KIAA0825: variants seen among roughly 807,000 people sequenced by gnomAD.
KIAA0825 encodes the protein uncharacterized protein KIAA0825.
A neutral mutation model predicts 147.6 loss-of-function variants in KIAA0825; 119 were observed. That is an observed-to-expected ratio of 0.81 (90% CI 0.69 to 0.94). KIAA0825 has a LOEUF of 0.94. Ranked by LOEUF, KIAA0825 falls within the 40% of genes least tolerant of loss-of-function variation. The pLI is 0.00. For missense variants in KIAA0825, 1,381 were observed against 1,472.7 expected, an observed-to-expected ratio of 0.94 and a Z score of 1.02; for synonymous variants, 470 against 518.1, an observed-to-expected ratio of 0.91 and a Z score of 1.26.
chr5:94,204,086 A>C (rs1417491798), intron 20 of KIAA0825, among the ~76,000 whole-genome samples: 8 of 152,194 alleles, frequency 5.3e-5, no homozygotes, highest in Non-Finnish European at 1.2e-4. Context: ...TTAGAGCAGT[A>C]ACAGATTACA....
chr5:94,244,539 G>T (rs1446288246), intron 20 of KIAA0825, among the ~76,000 whole-genome samples: 1 of 152,078 alleles, frequency 6.6e-6, no homozygotes, highest in Non-Finnish European at 1.5e-5. Flanking sequence ...GTCTCAGTAT[G>T]TTGCCCAGGC....
intron 2 of KIAA0825, among the ~76,000 whole-genome samples, chr5:94,572,931 G>T (rs1780243747): frequency 6.6e-6 from 1 of 152,168 alleles, no homozygotes; most frequent in African/African-American, 2.4e-5. Context: ...CATTTGAAGA[G>T]ATTTATTCTG....
rs531052285 is a variant in KIAA0825, at chr5:94,615,130, T to C, written c.-153+3370A>G. Among the ~76,000 whole-genome samples the C allele has an allele frequency of 4.6e-5, 7 of 151,644 alleles. No homozygotes were observed. The South Asian group carries it at 1.5e-3, about 32-fold the overall frequency. On this transcript the variant is annotated intron_variant, in intron 1 of 20. Transcript: ENST00000682413. ...TATTCTTCCTATTGCAAAAACATGATTGTGTGTCCACCAATGTGGAAGACG... is the reference window on the plus strand; with the variant it reads ...TATTCTTCCTATTGCAAAAACATGACTGTGTGTCCACCAATGTGGAAGACG...
In KIAA0825 at chr5:94,152,853, A is replaced by T. The variant is rs1766639230; in HGVS notation, c.*1154T>A. On this transcript the variant is annotated 3_prime_UTR_variant, in exon 21 of 21. Transcript: ENST00000682413. ...AAAAAAAAAAAAAAAAAAAAAAAAAAAATTATATATATATATATATATATA... is the reference window on the plus strand; with the variant it reads ...AAAAAAAAAAAAAAAAAAAAAAAAATAATTATATATATATATATATATATA... The T allele has an allele frequency of 1.7e-4, 2 of 12,048 alleles. No homozygotes were observed. Among genetic ancestry groups the T allele is most frequent in the Non-Finnish European group, 1.7e-4 (1 of 5,890 alleles). The allele number at this position is 12,048 out of a possible 1,614,324, so 0.7% of individuals were successfully genotyped here.
chr5:94,204,760 C>T (rs903850541), intron 20 of KIAA0825, among the ~76,000 whole-genome samples: 3 of 152,106 alleles, frequency 2.0e-5, no homozygotes, highest in Admixed American at 6.5e-5. Flanking sequence ...TTCATATGAC[C>T]TCCTCTCCTC....
intron 20 of KIAA0825, among the ~76,000 whole-genome samples, chr5:94,261,700 T>G (rs186721613): frequency 2.2e-4 from 34 of 152,294 alleles, no homozygotes; most frequent in Non-Finnish European, 3.5e-4. Context: ...TCTATACTGT[T>G]GTCCAAACCA....
intron 20 of KIAA0825, 73 bp from the exon 21 acceptor site, chr5:94,154,197 T>G: frequency 1.1e-6 from 1 of 919,714 alleles, no homozygotes; most frequent in Non-Finnish European, 1.7e-6. Context: ...AATCAAGTCT[T>G]GAATATGTAA....
intron 12 of KIAA0825, among the ~76,000 whole-genome samples, chr5:94,455,050 G>T (rs1274761754): frequency 6.6e-6 from 1 of 152,088 alleles, no homozygotes; most frequent in Non-Finnish European, 1.5e-5. Context: ...GACATCCGAA[G>T]TACATCCAAG....
Position 94,537,134 on chromosome 5 carries a change from A to C in KIAA0825, c.-1-7T>G. On this transcript the variant is annotated splice_region_variant and splice_polypyrimidine_tract_variant and intron_variant, in intron 2 of 20. Coordinates refer to ENST00000682413, the MANE Select transcript of KIAA0825 (RefSeq NM_001145678.3). ...TTCATCATCCCAATCCATTCTGAGG[A>C]GCAAGAATAAATAATAAAACATGTC... is the stretch of plus-strand genomic sequence containing the variant. 1 of 1,597,302 alleles carries C rather than the reference A, an allele frequency of 6.3e-7. No individual in the cohort carries two copies. The highest frequency in any genetic ancestry group is 1.1e-5 in the South Asian group (1 of 87,490).
chr5:94,529,309 A>ATATATATGTATATATCATATATATGTATG (rs1561268474), intron 3 of KIAA0825, among the ~76,000 whole-genome samples: 11 of 134,910 alleles, frequency 8.2e-5, no homozygotes, highest in African/African-American at 2.8e-4. Context: ...ATATATGTAT[A>ATATATATGTATATATCATATATATGTATG]TATCATATAT....
intron 1 of KIAA0825, among the ~76,000 whole-genome samples, chr5:94,605,338 A>G (rs73134674): frequency 0.073 from 11,112 of 152,256 alleles, 450 homozygotes; most frequent in South Asian, 0.11. Context: ...CCAGATGTAC[A>G]AACAAGAGCT....
intron 20 of KIAA0825, among the ~76,000 whole-genome samples, chr5:94,188,068 T>C (rs1770310155): frequency 6.6e-6 from 1 of 152,132 alleles, no homozygotes; most frequent in Admixed American, 6.5e-5. Flanking sequence ...CTTTCCACCA[T>C]GGGAGGAGAT....
intron 15 of KIAA0825, chr5:94,415,416 T>C (rs780871701): frequency 6.6e-6 from 1 of 152,082 alleles, no homozygotes; most frequent in Admixed American, 6.6e-5. Context: ...TAAACAAAAG[T>C]CATAGTAAAA....
At position 94,153,788 on chromosome 5, in the gene KIAA0825, A is replaced by G; in HGVS notation, c.*219T>C. 1 of 388,998 alleles carries G rather than the reference A, an allele frequency of 2.6e-6. No individual in the cohort carries two copies. Among genetic ancestry groups the G allele is most frequent in the South Asian group, 8.3e-5 (1 of 12,038 alleles). 24.1% of individuals were successfully genotyped at this position (388,998 alleles called of 1,614,324 possible). On this transcript the variant is annotated 3_prime_UTR_variant, in exon 21 of 21. Transcript: ENST00000682413. ...GCAGCAGTTATATCATATAAAGAGA[A>G]AGATTGGGGAAAGAAAAACATTTGA...
At chr5:94,224,609 T>G (rs180736174) in intron 20 of KIAA0825, among the ~76,000 whole-genome samples, 2 of 152,186 alleles carry the variant, frequency 1.3e-5, no homozygotes, top group Admixed American at 6.6e-5. Flanking sequence ...TAAATGTTTT[T>G]GATAATTAAG....
At chr5:94,231,472 TA>T (rs953778422) in intron 20 of KIAA0825, among the ~76,000 whole-genome samples, 1 of 152,198 alleles carries the variant, frequency 6.6e-6, no homozygotes, top group Non-Finnish European at 1.5e-5. Flanking sequence ...ATCAAACAGT[TA>T]AAAAAACACA....
At chr5:94,594,642 A>G (rs1261953369) in intron 1 of KIAA0825, 2 of 633,406 alleles carry the variant, frequency 3.2e-6, no homozygotes, top group Non-Finnish European at 5.9e-6. Flanking sequence ...CATAAAAGGA[A>G]AATCTTCTAT....
intron 20 of KIAA0825, among the ~76,000 whole-genome samples, chr5:94,302,808 CAA>C (rs1778492006): frequency 6.6e-6 from 1 of 151,968 alleles, no homozygotes; most frequent in Admixed American, 6.6e-5. Context: ...TGCCAAAAAA[CAA>C]AGTTCTTATT....
intron 13 of KIAA0825, among the ~76,000 whole-genome samples, chr5:94,448,765 A>G (rs1039907669): frequency 4.6e-5 from 7 of 152,190 alleles, no homozygotes; most frequent in African/African-American, 1.7e-4. Context: ...AGACTCACAC[A>G]GACAGCTGTT....
Sources: allele counts gnomAD v4.1 joint callset (sites outside exome capture counted in the v4.1 genomes callset), GRCh38; gene constraint gnomAD v4.1.1; transcripts MANE v1.5; gene names NCBI Gene and HGNC (gene_info 2026-07-23, HGNC 2026-07-21).